THSD7A: variants seen among roughly 807,000 people sequenced by gnomAD.
THSD7A encodes thrombospondin type-1 domain-containing protein 7A.
Under a neutral mutation model 231.3 loss-of-function variants are expected in THSD7A, and 96 were observed. That is an observed-to-expected ratio of 0.41 (90% CI 0.35 to 0.49). The LOEUF is 0.49. Ranked by LOEUF, THSD7A falls within the 20% of genes least tolerant of loss-of-function variation. The pLI is 0.05. For missense variants in THSD7A, 2,290 were observed against 2,070.2 expected (o/e 1.11, Z -2.06); for synonymous variants, 940 against 743.3 (o/e 1.26, Z -4.30).
intron 2 of THSD7A, among the ~76,000 whole-genome samples, chr7:11,594,905 T>C (rs1364129013): frequency 2.0e-5 from 3 of 152,174 alleles, no homozygotes; most frequent in African/African-American, 4.8e-5. Context: ...TGGAAAAGAA[T>C]GGGACCCTGC....
intron 4 of THSD7A, among the ~76,000 whole-genome samples, chr7:11,567,610 C>T (rs1421983533): frequency 6.6e-6 from 1 of 152,156 alleles, no homozygotes; most frequent in African/African-American, 2.4e-5. Context: ...TTTAAAACTA[C>T]CGATAGCTGG....
At chr7:11,431,775 T>C (rs2115430920) in intron 13 of THSD7A, among the ~76,000 whole-genome samples, 1 of 152,266 alleles carries the variant, frequency 6.6e-6, no homozygotes, top group East Asian at 1.9e-4. Flanking sequence ...GTTGATCAAC[T>C]TGGAAGCACT....
intron 2 of THSD7A, among the ~76,000 whole-genome samples, chr7:11,602,163 G>C (rs1780574222): frequency 6.6e-6 from 1 of 151,962 alleles, no homozygotes; most frequent in Non-Finnish European, 1.5e-5. Context: ...AGACAAACCA[G>C]ATATATTTTT....
chr7:11,455,525 C>G (rs369816009), intron 11 of THSD7A, among the ~76,000 whole-genome samples: 1 of 151,926 alleles, frequency 6.6e-6, no homozygotes, highest in South Asian at 2.1e-4. Flanking sequence ...GCCACTTTTC[C>G]TTTTAAATGT....
chr7:11,387,823 C>A (rs1782818834), intron 23 of THSD7A, among the ~76,000 whole-genome samples: 2 of 152,136 alleles, frequency 1.3e-5, no homozygotes, highest in South Asian at 4.1e-4. Flanking sequence ...ATTGCCCATT[C>A]AGTATGGTAT....
intron 6 of THSD7A, among the ~76,000 whole-genome samples, chr7:11,482,980 G>T (rs79776957): frequency 3.9e-5 from 6 of 152,138 alleles, no homozygotes; most frequent in African/African-American, 1.4e-4. Flanking sequence ...GGTGGTTAAC[G>T]AGGTCAAGGG....
At chr7:11,461,674 T>C (rs1368217667) in intron 10 of THSD7A, among the ~76,000 whole-genome samples, 2 of 152,184 alleles carry the variant, frequency 1.3e-5, no homozygotes. Context: ...GTCTTCTAAG[T>C]GAAAAAGAAT....
intron 1 of THSD7A, among the ~76,000 whole-genome samples, chr7:11,675,615 A>T (rs1220723143): frequency 6.6e-6 from 1 of 152,164 alleles, no homozygotes; most frequent in African/African-American, 2.4e-5. Flanking sequence ...TTGAGTAGAA[A>T]GTTTTCCTCT....
chr7:11,574,657 C>G (rs1010747777), intron 4 of THSD7A, among the ~76,000 whole-genome samples: 3 of 151,322 alleles, frequency 2.0e-5, no homozygotes, highest in Non-Finnish European at 2.9e-5. Context: ...AGGATGGTCT[C>G]GATCTCCTGA....
intron 13 of THSD7A, among the ~76,000 whole-genome samples, chr7:11,438,327 G>C (rs1270703397): frequency 6.6e-6 from 1 of 151,856 alleles, no homozygotes; most frequent in Non-Finnish European, 1.5e-5. Flanking sequence ...TCTATTAAAA[G>C]GTTTTTCCTC....
At chr7:11,551,439 G>A (rs891179851) in intron 4 of THSD7A, among the ~76,000 whole-genome samples, 1 of 151,928 alleles carries the variant, frequency 6.6e-6, no homozygotes, top group African/African-American at 2.4e-5. Context: ...ATATTGCAAA[G>A]TATGCATCTG....
intron 1 of THSD7A, among the ~76,000 whole-genome samples, chr7:11,773,400 C>T (rs998316121): frequency 5.3e-5 from 8 of 151,956 alleles, no homozygotes; most frequent in Admixed American, 4.6e-4. Flanking sequence ...GCATGGTGGT[C>T]ATGCCTGTGA....
chr7:11,547,297 A>G (rs1789440709), intron 4 of THSD7A, among the ~76,000 whole-genome samples: 1 of 152,244 alleles, frequency 6.6e-6, no homozygotes, highest in African/African-American at 2.4e-5. Flanking sequence ...ATCTTCACAT[A>G]TCAATATTAA....
chr7:11,447,467 T>C (rs1388762773), intron 11 of THSD7A, 43 bp from the exon 12 acceptor site: 2 of 1,435,720 alleles, frequency 1.4e-6, no homozygotes, highest in Non-Finnish European at 1.8e-6. Flanking sequence ...TTCAAACGTC[T>C]AATTACTCTA....
chr7:11,736,453 CTGTG>C (rs61483307), intron 1 of THSD7A, among the ~76,000 whole-genome samples: 112 of 143,584 alleles, frequency 7.8e-4, no homozygotes, highest in East Asian at 4.8e-3. Context: ...ACAGCAGACT[CTGTG>C]TGTGTGTGTG....
At chr7:11,690,130 A>G (rs888399403) in intron 1 of THSD7A, among the ~76,000 whole-genome samples, 1 of 151,810 alleles carries the variant, frequency 6.6e-6, no homozygotes, top group African/African-American at 2.4e-5. Flanking sequence ...TTGTTTGTCT[A>G]TTGTAACAGA....
chr7:11,757,698 A>G (rs1472253983), intron 1 of THSD7A, among the ~76,000 whole-genome samples: 1 of 151,920 alleles, frequency 6.6e-6, no homozygotes, highest in Non-Finnish European at 1.5e-5. Context: ...CTGTTTTTTG[A>G]TTCTCCAGAA....
intron 1 of THSD7A, among the ~76,000 whole-genome samples, chr7:11,640,258 T>G (rs1354809254): frequency 6.6e-6 from 1 of 152,218 alleles, no homozygotes; most frequent in Non-Finnish European, 1.5e-5. Flanking sequence ...CAGTAATATT[T>G]ATTGAATGAA....
intron 7 of THSD7A, among the ~76,000 whole-genome samples, chr7:11,475,273 C>A (rs1786111959): frequency 6.6e-6 from 1 of 152,074 alleles, no homozygotes; most frequent in South Asian, 2.1e-4. Context: ...CCTTTGACAG[C>A]AGACCACTGC....
Sources: gnomAD v4.1 joint callset for allele counts (sites outside exome capture counted in the v4.1 genomes callset) on GRCh38, gnomAD v4.1.1 for gene constraint, MANE v1.5 for transcripts, NCBI Gene and HGNC (gene_info 2026-07-23, HGNC 2026-07-21) for gene names.